Variants in ZMYND19 observed in about 807,000 individuals in gnomAD.
The protein encoded by ZMYND19 is zinc finger MYND domain-containing protein 19.
ZMYND19 carries 17 observed loss-of-function variants against 32.0 expected under a neutral mutation model. The observed-to-expected ratio is 0.53, with a 90% confidence interval of 0.36 to 0.80. The LOEUF is 0.80. ZMYND19 is among the 30% of genes least tolerant of loss of function. ZMYND19 has a pLI of 0.00. For missense variants in ZMYND19, 250 were observed against 293.6 expected, an observed-to-expected ratio of 0.85 and a Z score of 1.09; for synonymous variants, 124 against 113.6, an observed-to-expected ratio of 1.09 and a Z score of -0.58.
In ZMYND19 at chr9:137,590,189, GGT is replaced by G. The variant is rs1564492708; in HGVS notation, c.51+22_51+23del. 5.0e-5 allele frequency: 53 copies of G among 1,065,234 alleles called. No individual in the cohort carries two copies. The African/African-American group carries it at 8.1e-4, about 16-fold the overall frequency. The allele number at this position is 1,065,234 out of a possible 1,614,324, so 66.0% of individuals were successfully genotyped here. A position where few individuals can be genotyped will look rare whatever the true frequency, so the allele number is the denominator to read the frequency against. On this transcript the variant is annotated intron_variant, in intron 1 of 5. Transcript: ENST00000298585. This position sits in a 1 kb window ranked among gnomAD's most constrained non-coding sequence, Gnocchi z 4.2. ...AGGCCTGGACGGGCGAGACGGGCCG[GGT>G]CGCGGGCTCCGCGCCGCTCACCTTC...
intron 4 of ZMYND19, among the ~76,000 whole-genome samples, chr9:137,585,626 G>T (rs1842196069): frequency 6.6e-6 from 1 of 152,180 alleles, no homozygotes; most frequent in Admixed American, 6.5e-5. Flanking sequence ...GAAGGGATGG[G>T]GGGGGATTTG....
chr9:137,587,338 G>C, intron 3 of ZMYND19: 1 of 684,150 alleles, frequency 1.5e-6, no homozygotes, highest in Non-Finnish European at 2.4e-6. Context: ...CCCGGCCCCT[G>C]GACTTCAGAG....
chr9:137,582,282 A>C lies in ZMYND19; in HGVS notation c.*261T>G, dbSNP rs1211337513. The C allele has an allele frequency of 5.5e-6, 2 of 364,822 alleles. No homozygotes were observed. Among genetic ancestry groups the C allele is most frequent in the South Asian group, 8.5e-5 (1 of 11,794 alleles). The allele number at this position is 364,822 out of a possible 1,614,324, so 22.6% of individuals were successfully genotyped here. ...TCCCATTGCCTCCCCCCCAAAAAAAACTGTACATGAGTTTACAAACATATT... is the reference window on the plus strand; with the variant it reads ...TCCCATTGCCTCCCCCCCAAAAAAACCTGTACATGAGTTTACAAACATATT... On this transcript the variant is annotated 3_prime_UTR_variant, in exon 6 of 6. Transcript: ENST00000298585.
At chr9:137,582,902 C>A in intron 5 of ZMYND19, 81 bp downstream of exon 5, 1 of 1,568,020 alleles carries the variant, frequency 6.4e-7, no homozygotes. Context: ...TGGGACCCCG[C>A]GGTGGAGGGC....
chr9:137,587,692 G>T (rs746952033), intron 3 of ZMYND19, 25 bp downstream of exon 3: 1 of 1,606,136 alleles, frequency 6.2e-7, no homozygotes, highest in East Asian at 2.2e-5. Flanking sequence ...GTGGCGGGGG[G>T]CAGAGACAGC....
At position 137,583,055 on chromosome 9, in the gene ZMYND19, T is replaced by G; in HGVS notation, c.468A>C (p.Val156=). 1 of 1,614,206 alleles carries G rather than the reference T, an allele frequency of 6.2e-7. No homozygotes were observed. The highest frequency in any genetic ancestry group is 8.5e-7 in the Non-Finnish European group (1 of 1,180,020). ...VTRYYNANGD[V]VEEEENSCTY... ...TGCAAGAGTTCTCCTCCTCTTCCAC[T>G]ACATCCCCGTTGGCATTATAATACC... The change falls in exon 5 of 6, where the codon GTA becomes GTC. Residue 156 remains valine (V), a synonymous_variant. Coordinates refer to ENST00000298585, the MANE Select transcript of ZMYND19 (RefSeq NM_138462.3).
At position 137,586,960 on chromosome 9, in the gene ZMYND19, G is replaced by T. The variant is rs1290130790; in HGVS notation, c.359+7C>A. On this transcript the variant is annotated splice_region_variant and intron_variant, in intron 4 of 5. Coordinates refer to ENST00000298585, the MANE Select transcript of ZMYND19 (RefSeq NM_138462.3). ...TGCTGGCATCGCCAGGCCCTGAGAAGACCCACCTCTGCTTGCTGGAGGTCT... is the reference window on the plus strand; with the variant it reads ...TGCTGGCATCGCCAGGCCCTGAGAATACCCACCTCTGCTTGCTGGAGGTCT... 6.2e-7 allele frequency: 1 copy of T among 1,611,904 alleles called. No homozygotes were observed. The highest frequency in any genetic ancestry group is 1.7e-5 in the Admixed American group (1 of 60,018).
chr9:137,582,275 A>C lies in ZMYND19; in HGVS notation c.*268T>G, dbSNP rs764817247. On this transcript the variant is annotated 3_prime_UTR_variant, in exon 6 of 6. Coordinates refer to ENST00000298585, the MANE Select transcript of ZMYND19 (RefSeq NM_138462.3). ...CTACCCTTCCCATTGCCTCCCCCCC[A>C]AAAAAAACTGTACATGAGTTTACAA... is the stretch of plus-strand genomic sequence containing the variant. The C allele has an allele frequency of 5.6e-5, 19 of 338,784 alleles. No individual in the cohort carries two copies. The highest frequency in any genetic ancestry group is 9.2e-5 in the Admixed American group (2 of 21,638). 21.0% of individuals were successfully genotyped at this position (338,784 alleles called of 1,614,324 possible).
rs374326002 is a variant in ZMYND19 at position 137,582,272 on chromosome 9, C to A, written c.*271G>T. The A allele has an allele frequency of 2.9e-6, 1 of 349,142 alleles. No homozygotes were observed. The highest frequency in any genetic ancestry group is 5.2e-6 in the Non-Finnish European group (1 of 193,454). The allele number at this position is 349,142 out of a possible 1,614,324, so 21.6% of individuals were successfully genotyped here. A position where few individuals can be genotyped will look rare whatever the true frequency, so the allele number is the denominator to read the frequency against. ...TTTCTACCCTTCCCATTGCCTCCCC[C>A]CCAAAAAAAACTGTACATGAGTTTA... On this transcript the variant is annotated 3_prime_UTR_variant, in exon 6 of 6. Transcript: ENST00000298585.
intron 4 of ZMYND19, among the ~76,000 whole-genome samples, chr9:137,584,691 C>G (rs929363983): frequency 1.3e-5 from 2 of 152,170 alleles, no homozygotes; most frequent in African/African-American, 2.4e-5. Flanking sequence ...GCCAAGCACG[C>G]CTTCCCCTTC....
intron 1 of ZMYND19, 80 bp from the exon 2 acceptor site, chr9:137,588,798 G>A (rs1160891077): frequency 6.6e-7 from 1 of 1,515,966 alleles, no homozygotes; most frequent in Non-Finnish European, 9.2e-7. Context: ...AGAACAGGCA[G>A]GAGCCTGTTG....
rs571932785 is a variant in ZMYND19 at position 137,582,346 on chromosome 9, C to G, written c.*197G>C. 3 of 661,778 alleles carry G rather than the reference C, an allele frequency of 4.5e-6. No individual in the cohort carries two copies. Among genetic ancestry groups the G allele is most frequent in the Admixed American group, 3.2e-5 (1 of 30,970 alleles). 41.0% of individuals were successfully genotyped at this position (661,778 alleles called of 1,614,324 possible). On this transcript the variant is annotated 3_prime_UTR_variant, in exon 6 of 6. Coordinates refer to ENST00000298585, the MANE Select transcript of ZMYND19 (RefSeq NM_138462.3). ...TGAGAACCGTCCTGGTGGGAGCCTC[C>G]TCCGTTGTCTCTGCTGGAGATGAAC...
At chr9:137,584,667 A>T (rs1588972784) in intron 4 of ZMYND19, among the ~76,000 whole-genome samples, 1 of 152,180 alleles carries the variant, frequency 6.6e-6, no homozygotes, top group Non-Finnish European at 1.5e-5. Flanking sequence ...GATGCTACAG[A>T]TGCTGCTCTG....
At position 137,587,738 on chromosome 9, in the gene ZMYND19, C is replaced by CTCCCAG. The variant is rs1842222175; in HGVS notation, c.191_196dup (p.Gly65_Arg66insThrGly). 6.2e-7 allele frequency: 1 copy of CTCCCAG among 1,614,122 alleles called. No individual in the cohort carries two copies. Among genetic ancestry groups the CTCCCAG allele is most frequent in the Admixed American group, 1.7e-5 (1 of 60,032 alleles). ...CCACCACAGCAGCTCATGAAGGAGT[C>CTCCCAG]TCCCAGAGCCCCTTCCTCGGTTCTT... On this transcript the variant is annotated inframe_insertion, in exon 3 of 6. Coordinates refer to ENST00000298585, the MANE Select transcript of ZMYND19 (RefSeq NM_138462.3).
rs1842255089 is a variant in ZMYND19 at position 137,590,080 on chromosome 9, G to A, written c.51+133C>T. On this transcript the variant is annotated intron_variant, in intron 1 of 5. Coordinates refer to ENST00000298585, the MANE Select transcript of ZMYND19 (RefSeq NM_138462.3). The surrounding 1 kb of genome is among the most constrained non-coding windows in gnomAD (Gnocchi z 4.2). ...GGGCCAGCAGCCGGGCCCGCGCAGC[G>A]TCCCCCGCCCCGCTGGGGCCCATCC... is the stretch of plus-strand genomic sequence containing the variant. 3 of 983,310 alleles carry A rather than the reference G, an allele frequency of 3.1e-6. No homozygotes were observed. The highest frequency in any genetic ancestry group is 2.4e-6 in the Non-Finnish European group (2 of 829,190). 60.9% of individuals were successfully genotyped at this position (983,310 alleles called of 1,614,324 possible).
rs575602698 is a variant in ZMYND19, at chr9:137,584,283, G to A, written c.360-1120C>T. 1.4e-4 allele frequency among the ~76,000 whole-genome samples: 21 copies of A among 152,360 alleles called. No individual in the cohort carries two copies. The East Asian group carries it at 3.7e-3, about 27-fold the overall frequency. On this transcript the variant is annotated intron_variant, in intron 4 of 5. Coordinates refer to ENST00000298585, the MANE Select transcript of ZMYND19 (RefSeq NM_138462.3). ...CCCCAGGCCCACCTCCTGTAGCAGG[G>A]GGTTGTGTAAGGCAGCAGCCCCAGC... is the stretch of plus-strand genomic sequence containing the variant.
At chr9:137,583,210 C>A (rs759266170) in intron 4 of ZMYND19, 47 bp from the exon 5 acceptor site, 2 of 1,595,730 alleles carry the variant, frequency 1.3e-6, no homozygotes, top group East Asian at 4.5e-5. Flanking sequence ...CCAAACGGGG[C>A]CAGCACACAG....
rs566389035 is a variant in ZMYND19, at chr9:137,587,144, A to C, written c.219-37T>G. ...CAGCAAACCCTGCATCTAACCCTGC[A>C]TCGCTGCCTCCCACCCTCACAGACA... On this transcript the variant is annotated intron_variant, in intron 3 of 5. Coordinates refer to ENST00000298585, the MANE Select transcript of ZMYND19 (RefSeq NM_138462.3). The C allele has an allele frequency of 1.0e-5, 16 of 1,593,148 alleles. No homozygotes were observed. In the South Asian group the frequency reaches 1.4e-4, roughly 14 times the overall value.
chr9:137,589,643 C>T (rs920495569), intron 1 of ZMYND19: 29 of 985,350 alleles, frequency 2.9e-5, no homozygotes, highest in Middle Eastern at 5.2e-4. Flanking sequence ...AGCATCAGGG[C>T]CCAGGCTTCT....
Sources: gnomAD v4.1 joint callset for allele counts (sites outside exome capture counted in the v4.1 genomes callset) on GRCh38, gnomAD v4.1.1 for gene constraint, Gnocchi (gnomAD v3.1) non-coding constraint, MANE v1.5 for transcripts, NCBI Gene and HGNC (gene_info 2026-07-23, HGNC 2026-07-21) for gene names.